The following CCDC93 variants were observed in gnomAD, a reference collection of about 807,000 sequenced individuals.
CCDC93 encodes the protein coiled-coil domain-containing protein 93.
Under a neutral mutation model 108.2 loss-of-function variants are expected in CCDC93, and 61 were observed. The ratio of observed to expected loss-of-function variants is 0.56; its 90% CI spans 0.46 to 0.70. CCDC93 has a LOEUF of 0.70. CCDC93 is among the 30% of genes least tolerant of loss of function. The probability of loss-of-function intolerance (pLI) is 0.00; values close to 1 mark genes in which losing one functional copy is unlikely to be tolerated. For synonymous variants in CCDC93, 276 were observed against 260.4 expected (o/e 1.06, Z -0.58); for missense variants, 685 against 764.2 (o/e 0.90, Z 1.22).
At chr2:117,959,747 A>C (rs1240903165) in intron 11 of CCDC93, among the ~76,000 whole-genome samples, 1 of 152,234 alleles carries the variant, frequency 6.6e-6, no homozygotes, top group African/African-American at 2.4e-5. Context: ...AGAAAAACTA[A>C]GCATTTATTA....
At chr2:117,992,113 A>G (rs576235299) in intron 6 of CCDC93, among the ~76,000 whole-genome samples, 5 of 152,364 alleles carry the variant, frequency 3.3e-5, no homozygotes, top group African/African-American at 1.2e-4. Flanking sequence ...TTAGCCATCC[A>G]TGAAGATTCT....
At chr2:117,959,972 C>G (rs1168019783) in intron 11 of CCDC93, among the ~76,000 whole-genome samples, 1 of 152,226 alleles carries the variant, frequency 6.6e-6, no homozygotes, top group Non-Finnish European at 1.5e-5. Context: ...CAGCCCCACT[C>G]TAAATCACTT....
intron 12 of CCDC93, among the ~76,000 whole-genome samples, chr2:117,953,595 C>T (rs1401866676): frequency 1.3e-5 from 2 of 152,012 alleles, no homozygotes; most frequent in South Asian, 2.1e-4. Context: ...GAACCTAATA[C>T]CCAATATGAC....
chr2:118,001,915 A>G (rs984725861), intron 3 of CCDC93, among the ~76,000 whole-genome samples: 7 of 152,192 alleles, frequency 4.6e-5, no homozygotes, highest in African/African-American at 1.7e-4. Context: ...GAGAGAAAAG[A>G]TACTATTCAG....
chr2:117,977,615 G>A (rs1055362204), intron 8 of CCDC93, among the ~76,000 whole-genome samples: 1 of 152,220 alleles, frequency 6.6e-6, no homozygotes, highest in Non-Finnish European at 1.5e-5. Flanking sequence ...GGGCAGGCCT[G>A]TAATTCACAG....
chr2:118,001,428 G>T (rs934219413), intron 3 of CCDC93, among the ~76,000 whole-genome samples: 1 of 152,020 alleles, frequency 6.6e-6, no homozygotes, highest in African/African-American at 2.4e-5. Flanking sequence ...AAAGAGATTT[G>T]GAGTTCTCTA....
intron 2 of CCDC93, 47 bp downstream of exon 2, chr2:118,008,498 T>C (rs982850324): frequency 5.7e-6 from 6 of 1,058,224 alleles, no homozygotes; most frequent in Non-Finnish European, 8.6e-6. Context: ...ATTAACCATG[T>C]CATTCTGACA....
At chr2:117,986,515 C>T (rs981975608) in intron 6 of CCDC93, among the ~76,000 whole-genome samples, 1 of 152,050 alleles carries the variant, frequency 6.6e-6, no homozygotes, top group African/African-American at 2.4e-5. Flanking sequence ...GTCCCCACAT[C>T]TCTCTTCTTC....
rs1679083845 is a variant in CCDC93 at position 117,952,357 on chromosome 2, G to C, written c.1068+16C>G. On this transcript the variant is annotated intron_variant, in intron 13 of 23. Transcript: ENST00000376300. ...TTGACAAGGGCCCACAGAAGAAGGA[G>C]AATCTATCTGCTCACCTCTGTCAGC... 1.3e-6 allele frequency: 2 copies of C among 1,570,764 alleles called. No homozygotes were observed. Among genetic ancestry groups the C allele is most frequent in the Non-Finnish European group, 1.8e-6 (2 of 1,140,448 alleles).
chr2:118,008,120 T>C (rs1676927813), intron 2 of CCDC93, among the ~76,000 whole-genome samples: 2 of 152,236 alleles, frequency 1.3e-5, no homozygotes, highest in South Asian at 4.1e-4. Context: ...AATTAAAAGA[T>C]TTCATTGCAT....
Position 117,939,068 on chromosome 2 carries a change from A to G in CCDC93, c.1566T>C (p.Tyr522=), listed in dbSNP as rs1327565442. 2 of 1,606,596 alleles carry G rather than the reference A, an allele frequency of 1.2e-6. No individual in the cohort carries two copies. Among genetic ancestry groups the G allele is most frequent in the Non-Finnish European group, 1.7e-6 (2 of 1,173,506 alleles). ...HKETKQFFTL[Y]NTLDDKKVYL... ...AAACCTTTTTATCATCCAGGGTATT[A>G]TATAAAGTGAAGAACTGCTTGGTTT... Residue 522 remains tyrosine (Y), a synonymous_variant, in exon 20 of 24, where the codon TAT becomes TAC. Coordinates refer to ENST00000376300, the MANE Select transcript of CCDC93 (RefSeq NM_019044.5).
chr2:117,950,441 G>A, intron 13 of CCDC93: 4 of 985,400 alleles, frequency 4.1e-6, no homozygotes, highest in Non-Finnish European at 4.8e-6. Context: ...TGGCCTTTCT[G>A]AAGCAGTCAT....
At chr2:117,993,221 C>T (rs1382753915) in intron 6 of CCDC93, among the ~76,000 whole-genome samples, 1 of 151,870 alleles carries the variant, frequency 6.6e-6, no homozygotes, top group Non-Finnish European at 1.5e-5. Context: ...ACGGTGAAAC[C>T]CCATCTCTAC....
intron 18 of CCDC93, among the ~76,000 whole-genome samples, chr2:117,943,729 CA>C (rs1678777983): frequency 6.6e-6 from 1 of 152,196 alleles, no homozygotes; most frequent in South Asian, 2.1e-4. Context: ...GCCGGTTATC[CA>C]AACAAACAAG....
At chr2:118,003,565 T>G (rs771228429) in intron 3 of CCDC93, among the ~76,000 whole-genome samples, 25 of 152,150 alleles carry the variant, frequency 1.6e-4, no homozygotes, top group Non-Finnish European at 2.2e-4. Context: ...AGTTACCAAT[T>G]GCCTAGAACC....
intron 11 of CCDC93, among the ~76,000 whole-genome samples, chr2:117,960,171 T>C (rs1239763601): frequency 1.3e-5 from 2 of 152,254 alleles, no homozygotes; most frequent in African/African-American, 2.4e-5. Flanking sequence ...AAGCATATTC[T>C]CAGAGCATTG....
At chr2:117,978,939 C>T (rs1393965419) in intron 7 of CCDC93, among the ~76,000 whole-genome samples, 1 of 152,098 alleles carries the variant, frequency 6.6e-6, no homozygotes, top group African/African-American at 2.4e-5. Context: ...ACCCAGGAGG[C>T]AGAGGTTGCA....
intron 14 of CCDC93, 100 bp downstream of exon 14, chr2:117,949,222 C>T (rs1678972609): frequency 3.7e-6 from 3 of 813,060 alleles, no homozygotes; most frequent in Non-Finnish European, 6.3e-6. Context: ...GACCAATAGC[C>T]TTTGGCTGCT....
intron 1 of CCDC93, among the ~76,000 whole-genome samples, chr2:118,011,473 A>G (rs1313195933): frequency 6.6e-6 from 1 of 152,184 alleles, no homozygotes; most frequent in Non-Finnish European, 1.5e-5. Context: ...TCCCTTCTGC[A>G]AAAAATCTGG....
Sources: allele counts gnomAD v4.1 joint callset (sites outside exome capture counted in the v4.1 genomes callset), GRCh38; gene constraint gnomAD v4.1.1; transcripts MANE v1.5; gene names NCBI Gene and HGNC (gene_info 2026-07-23, HGNC 2026-07-21).